The following RPS6KA1 variants were observed in gnomAD, a reference collection of about 807,000 sequenced individuals.
RPS6KA1 encodes ribosomal protein S6 kinase A1.
RPS6KA1 carries 48 observed loss-of-function variants against 91.3 expected under a neutral mutation model. The ratio of observed to expected loss-of-function variants is 0.53; its 90% CI spans 0.42 to 0.67. The LOEUF (loss-of-function observed/expected upper bound fraction) is 0.67, where lower values mean the gene tolerates loss of function less well. Ranked by LOEUF, RPS6KA1 falls within the 30% of genes least tolerant of loss-of-function variation. The probability of loss-of-function intolerance (pLI) is 0.00; values close to 1 mark genes in which losing one functional copy is unlikely to be tolerated. For synonymous variants in RPS6KA1, 359 were observed against 384.7 expected, an observed-to-expected ratio of 0.93 and a Z score of 0.78; for missense variants, 719 against 960.5, an observed-to-expected ratio of 0.75 and a Z score of 3.32.
At chr1:26,544,064 C>A (rs1393335961) in intron 2 of RPS6KA1, 3 of 455,994 alleles carry the variant, frequency 6.6e-6, no homozygotes, top group Admixed American at 4.7e-5. Context: ...TCATCTCTTT[C>A]CCCACCCCAG....
Position 26,555,743 on chromosome 1 carries a change from C to A in RPS6KA1, c.916+118C>A. Reference sequence around the variant, plus strand: ...GGCCGTTGTCCTTTGTGTGGGCAGACAATGCCGCGGGCCACCCTGCTTTCT... The same window carrying A: ...GGCCGTTGTCCTTTGTGTGGGCAGAAAATGCCGCGGGCCACCCTGCTTTCT... On this transcript the variant is annotated intron_variant, in intron 11 of 21. Transcript: ENST00000374168. This position sits in a 1 kb window ranked among gnomAD's most constrained non-coding sequence, Gnocchi z 4.3. 1 of 1,010,084 alleles carries A rather than the reference C, an allele frequency of 9.9e-7. No individual in the cohort carries two copies. The allele number at this position is 1,010,084 out of a possible 1,614,324, so 62.6% of individuals were successfully genotyped here.
At position 26,571,215 on chromosome 1, in the gene RPS6KA1, A is replaced by G; in HGVS notation, c.1591-234A>G. ...ATGTGATGAGTAGGTTTTAGGGGAG[A>G]ATTGAGAGTTCAGTTTTGACAGGTT... On this transcript the variant is annotated intron_variant, in intron 17 of 21. Coordinates refer to ENST00000374168, the MANE Select transcript of RPS6KA1 (RefSeq NM_002953.4). This position sits in a 1 kb window ranked among gnomAD's most constrained non-coding sequence, Gnocchi z 5.1. 1.9e-6 allele frequency: 1 copy of G among 520,654 alleles called. No individual in the cohort carries two copies. The highest frequency in any genetic ancestry group is 3.2e-5 in the East Asian group (1 of 31,570). 32.3% of individuals were successfully genotyped at this position (520,654 alleles called of 1,614,324 possible).
At chr1:26,541,573 G>T (rs551270430) in intron 2 of RPS6KA1, among the ~76,000 whole-genome samples, 68 of 152,296 alleles carry the variant, frequency 4.5e-4, no homozygotes, top group African/African-American at 1.6e-3. Context: ...AAAAGGCTGT[G>T]TGCGTGCAGC....
intron 17 of RPS6KA1, among the ~76,000 whole-genome samples, chr1:26,570,154 G>A (rs957665323): frequency 8.5e-5 from 13 of 152,074 alleles, no homozygotes; most frequent in Non-Finnish European, 1.6e-4. Context: ...AGATCTGAGA[G>A]GTATTGGTAG....
chr1:26,572,392 C>T (rs1328634426), intron 20 of RPS6KA1, 99 bp downstream of exon 20: 28 of 783,702 alleles, frequency 3.6e-5, no homozygotes, highest in South Asian at 1.8e-4. Flanking sequence ...TTTCTCCAAG[C>T]GGATGTTCCA....
chr1:26,560,714 G>T lies in RPS6KA1; in HGVS notation c.1216-12G>T. On this transcript the variant is annotated splice_polypyrimidine_tract_variant and intron_variant, in intron 14 of 21. Transcript: ENST00000374168. ...GAGCCAGGGGTCAGCCACAATTTTT[G>T]GTCTCCTACAGCAACTCCATGGGAA... 3 of 1,614,024 alleles carry T rather than the reference G, an allele frequency of 1.9e-6. No homozygotes were observed. Among genetic ancestry groups the T allele is most frequent in the Non-Finnish European group, 2.5e-6 (3 of 1,179,938 alleles).
At chr1:26,549,817 T>G (rs1273698812) in intron 4 of RPS6KA1, among the ~76,000 whole-genome samples, 3 of 149,206 alleles carry the variant, frequency 2.0e-5, no homozygotes, top group Admixed American at 6.7e-5. Context: ...TTCTCCTGCC[T>G]CAGCCTCCTG....
chr1:26,547,017 C>T lies in RPS6KA1; in HGVS notation c.225+34C>T. The T allele has an allele frequency of 6.9e-6, 11 of 1,584,830 alleles. No homozygotes were observed. Among genetic ancestry groups the T allele is most frequent in the Non-Finnish European group, 9.5e-6 (11 of 1,153,598 alleles). The stretch of plus-strand genomic sequence containing the variant: ...TGAGCCCATAGCTGTGAAGGCAACA[C>T]TCGTCATGTTAGAGGTGGGGGTCAA... On this transcript the variant is annotated intron_variant, in intron 3 of 21. Coordinates refer to ENST00000374168, the MANE Select transcript of RPS6KA1 (RefSeq NM_002953.4). This position sits in a 1 kb window ranked among gnomAD's most constrained non-coding sequence, Gnocchi z 4.1.
intron 2 of RPS6KA1, among the ~76,000 whole-genome samples, chr1:26,538,016 A>G (rs1309650959): frequency 1.3e-5 from 2 of 152,188 alleles, no homozygotes; most frequent in Non-Finnish European, 2.9e-5. Flanking sequence ...GACCTGCCAT[A>G]AGCTTGACCT....
At position 26,558,978 on chromosome 1, in the gene RPS6KA1, A is replaced by G. The variant is rs1190050470; in HGVS notation, c.1215+41A>G. On this transcript the variant is annotated intron_variant, in intron 14 of 21. Transcript: ENST00000374168. This position sits in a 1 kb window ranked among gnomAD's most constrained non-coding sequence, Gnocchi z 4.0. ...GGCTGCTGCTCCATTATCCTTTTCTAAAGAATGGCTGAGTACACAGGCTCT... is the reference window on the plus strand; with the variant it reads ...GGCTGCTGCTCCATTATCCTTTTCTGAAGAATGGCTGAGTACACAGGCTCT... The G allele has an allele frequency of 1.9e-6, 3 of 1,588,738 alleles. No homozygotes were observed. The highest frequency in any genetic ancestry group is 1.3e-5 in the African/African-American group (1 of 74,434).
chr1:26,530,133 C>T (rs2124606648), intron 1 of RPS6KA1, 150 bp downstream of exon 1: 2 of 423,204 alleles, frequency 4.7e-6, no homozygotes, highest in East Asian at 4.3e-5. Context: ...CGGCTCCACC[C>T]CCCTATGCCC....
At chr1:26,553,789 G>A (rs543523768) in intron 7 of RPS6KA1, 40 of 259,436 alleles carry the variant, frequency 1.5e-4, no homozygotes, top group African/African-American at 2.7e-4. Context: ...AAGCCCTATA[G>A]AATTTTCCCT....
At chr1:26,531,705 A>G (rs546223017) in intron 1 of RPS6KA1, among the ~76,000 whole-genome samples, 1 of 152,246 alleles carries the variant, frequency 6.6e-6, no homozygotes, top group Non-Finnish European at 1.5e-5. Context: ...CGCTCCAGAA[A>G]CGATGTGTGA....
Position 26,553,444 on chromosome 1 carries a change from C to T in RPS6KA1, c.522C>T (p.Gly174=), listed in dbSNP as rs1449678651. ...TTTACCTGGCTGAGCTGGCTCTGGG[C>T]CTGGATCACCTGCACAGCCTGGGTA... ...VKFYLAELAL[G]LDHLHSLGII... Residue 174 remains glycine, a synonymous_variant, in exon 7 of 22, where the codon GGC becomes GGT. Coordinates refer to ENST00000374168, the MANE Select transcript of RPS6KA1 (RefSeq NM_002953.4). The T allele has an allele frequency of 3.1e-6, 5 of 1,612,876 alleles. No individual in the cohort carries two copies. Among genetic ancestry groups the T allele is most frequent in the Non-Finnish European group, 4.2e-6 (5 of 1,179,352 alleles).
chr1:26,557,158 C>T (rs192426173), intron 13 of RPS6KA1, 58 bp downstream of exon 13: 540 of 1,394,770 alleles, frequency 3.9e-4, no homozygotes, highest in East Asian at 3.4e-3. Flanking sequence ...AGCCGGGAGT[C>T]GGTGGCAGCT....
At chr1:26,548,765 C>T (rs1364058460) in intron 4 of RPS6KA1, among the ~76,000 whole-genome samples, 1 of 151,320 alleles carries the variant, frequency 6.6e-6, no homozygotes, top group Non-Finnish European at 1.5e-5. Flanking sequence ...CGCCACCATA[C>T]TCCAGCCTGG....
intron 17 of RPS6KA1, among the ~76,000 whole-genome samples, chr1:26,568,698 C>T (rs763358672): frequency 1.1e-4 from 17 of 152,052 alleles, no homozygotes; most frequent in Non-Finnish European, 1.5e-4. Flanking sequence ...TGCACTGAGC[C>T]GAGATCACGC....
chr1:26,548,740 A>G (rs976459354), intron 4 of RPS6KA1, among the ~76,000 whole-genome samples: 1 of 151,840 alleles, frequency 6.6e-6, no homozygotes, highest in Non-Finnish European at 1.5e-5. Context: ...TGGAGATTGC[A>G]GTGAGCCGAG....
intron 1 of RPS6KA1, among the ~76,000 whole-genome samples, chr1:26,530,537 G>A (rs1190614705): frequency 6.6e-6 from 1 of 152,210 alleles, no homozygotes; most frequent in Non-Finnish European, 1.5e-5. Context: ...TAGGGCCAGA[G>A]GACACCTGTG....
Sources: allele counts gnomAD v4.1 joint callset (sites outside exome capture counted in the v4.1 genomes callset), GRCh38; gene constraint gnomAD v4.1.1; non-coding constraint Gnocchi (gnomAD v3.1); transcripts MANE v1.5; gene names NCBI Gene and HGNC (gene_info 2026-07-23, HGNC 2026-07-21).